The following NEFM variants were observed in gnomAD, a reference collection of about 807,000 sequenced individuals.
The protein encoded by NEFM is neurofilament medium chain.
Under a neutral mutation model 48.1 loss-of-function variants are expected in NEFM, and 16 were observed. The observed-to-expected ratio is 0.33, with a 90% CI of 0.23 to 0.51. The LOEUF (loss-of-function observed/expected upper bound fraction) is 0.51. Among genes scored for constraint, NEFM ranks in the 20% least tolerant of loss-of-function variants. NEFM has a pLI of 0.98. For synonymous variants in NEFM, 465 were observed against 456.9 expected (o/e 1.02, Z -0.23); for missense variants, 1,107 against 1,136.0 (o/e 0.97, Z 0.37).
rs1343811547 is a variant in NEFM, at chr8:24,918,149, G to C, written c.2294G>C (p.Gly765Ala). The C allele has an allele frequency of 1.9e-6, 3 of 1,551,660 alleles. No homozygotes were observed. The highest frequency in any genetic ancestry group is 2.7e-5 in the African/African-American group (2 of 73,002). ...TTGGAGAAAGAGACCAAAGAAGAGG[G>C]GAAGCCACTGCAGCAGGAGAAAGAG... ...VHLEKETKEE[G>A]KPLQQEKEKE... Residue 765 changes from glycine to alanine, a missense_variant, in exon 3 of 3, where the codon GGG becomes GCG. Gly to Ala is a moderately conservative substitution (Grantham distance 60, BLOSUM62 0). Coordinates refer to ENST00000221166, the MANE Select transcript of NEFM (RefSeq NM_005382.2).
rs944891517 is a variant in NEFM at position 24,918,521 on chromosome 8, C to A, written c.2666C>A (p.Thr889Asn). Reference protein sequence around the residue: ...VTQKVEEHEETFEEKLVSTKK... With the variant: ...VTQKVEEHEENFEEKLVSTKK... ...CAAAAGGTTGAAGAGCATGAAGAGA[C>A]CTTTGAGGAGAAACTAGTGTCTACT... The change falls in exon 3 of 3, where the codon ACC becomes AAC. Residue 889 changes from threonine to asparagine, a missense_variant. Around this residue, in one of 3 missense-constraint regions of NEFM, gnomAD observed 917 missense variants for 916.4 expected, o/e 1.00. Coordinates refer to ENST00000221166, the MANE Select transcript of NEFM (RefSeq NM_005382.2). 14 of 1,613,812 alleles carry A rather than the reference C, an allele frequency of 8.7e-6. No individual in the cohort carries two copies. The African/African-American group carries it at 1.3e-4, about 15-fold the overall frequency.
Position 24,917,366 on chromosome 8 carries a change from A to T in NEFM, c.1511A>T (p.Glu504Val). 6.3e-7 allele frequency: 1 copy of T among 1,596,326 alleles called. No homozygotes were observed. Among genetic ancestry groups the T allele is most frequent in the South Asian group, 1.1e-5 (1 of 89,128 alleles). ...GAAGAGGAACCCGAAGCTGAAGAAGAAGAAGTAGCTGCCAAAAAGTCTCCA... is the reference window on the plus strand; with the variant it reads ...GAAGAGGAACCCGAAGCTGAAGAAGTAGAAGTAGCTGCCAAAAAGTCTCCA... ...EKEEEPEAEEEEVAAKKSPVK... is the reference protein window; with the variant it reads ...EKEEEPEAEEVEVAAKKSPVK... The change falls in exon 3 of 3, where the codon GAA becomes GTA. Residue 504 changes from glutamate to valine, a missense_variant. Coordinates refer to ENST00000221166, the MANE Select transcript of NEFM (RefSeq NM_005382.2).
In NEFM at chr8:24,918,835, T is replaced by A; in HGVS notation, c.*229T>A. 3 of 495,012 alleles carry A rather than the reference T, an allele frequency of 6.1e-6. No individual in the cohort carries two copies. The highest frequency in any genetic ancestry group is 1.1e-5 in the Non-Finnish European group (3 of 272,912). 30.7% of individuals were successfully genotyped at this position (495,012 alleles called of 1,614,324 possible). A position where few individuals can be genotyped will look rare whatever the true frequency, so the allele number is the denominator to read the frequency against. On this transcript the variant is annotated 3_prime_UTR_variant, in exon 3 of 3. Coordinates refer to ENST00000221166, the MANE Select transcript of NEFM (RefSeq NM_005382.2). ...GGAAATTTGCCGATTTCCTAAGCTG[T>A]TGGAAGGGGGTCACTTAAGGGGGGA...
Position 24,914,384 on chromosome 8 carries a change from C to A in NEFM, c.591C>A (p.Asp197Glu), listed in dbSNP as rs761463013. 1 of 1,613,630 alleles carries A rather than the reference C, an allele frequency of 6.2e-7. No individual in the cohort carries two copies. Among genetic ancestry groups the A allele is most frequent in the Non-Finnish European group, 8.5e-7 (1 of 1,179,990 alleles). The change falls in exon 1 of 3, where the codon GAC becomes GAA. Residue 197 changes from aspartate (D) to glutamate (E), a missense_variant. Coordinates refer to ENST00000221166, the MANE Select transcript of NEFM (RefSeq NM_005382.2). ...TTGAGGAGGAGGCGCGGTTGCGCGA[C>A]GACACTGAGGCGGCCATCCGCGCGC... ...ERFEEEARLR[D>E]DTEAAIRALR... is the part of the protein sequence containing the mutation.
Position 24,918,409 on chromosome 8 carries a change from G to C in NEFM, c.2554G>C (p.Val852Leu). 6.2e-7 allele frequency: 1 copy of C among 1,614,150 alleles called. No individual in the cohort carries two copies. Among genetic ancestry groups the C allele is most frequent in the Non-Finnish European group, 8.5e-7 (1 of 1,180,026 alleles). The change falls in exon 3 of 3, where the codon GTG becomes CTG. Residue 852 changes from valine (V) to leucine (L), a missense_variant. By Grantham distance (32) the Val-to-Leu change is conservative (BLOSUM62 1). Transcript: ENST00000221166. ...GGGGGGTGATAAAAGTGAGGAGAAA[G>C]TGGTGGTGACCAAAACGGTAGAAAA... The part of the protein sequence containing the change: ...KKGGDKSEEK[V>L]VVTKTVEKIT...
At chr8:24,915,076 A>G (rs766546541) in intron 1 of NEFM, 121 of 1,377,792 alleles carry the variant, frequency 8.8e-5, no homozygotes, top group African/African-American at 1.1e-4. Context: ...CACCTGCCCC[A>G]GCTGCTAAGG....
chr8:24,917,288 A>G lies in NEFM; in HGVS notation c.1433A>G (p.Glu478Gly), dbSNP rs768247534. Residue 478 changes from glutamate to glycine, a missense_variant, in exon 3 of 3, where the codon GAG becomes GGG. Glu to Gly is a moderately conservative substitution (Grantham distance 98, BLOSUM62 -2). Transcript: ENST00000221166. ...GAAGAGGCCCTGACAGCCATTACAG[A>G]GGAATTGGCCGTTTCCATGAAGGAA... is the stretch of plus-strand genomic sequence containing the variant. ...EMEEALTAIT[E>G]ELAVSMKEEK... 1.2e-6 allele frequency: 2 copies of G among 1,614,174 alleles called. No individual in the cohort carries two copies. The highest frequency in any genetic ancestry group is 1.7e-6 in the Non-Finnish European group (2 of 1,180,046).
chr8:24,915,139 T>C, intron 1 of NEFM: 1 of 1,348,606 alleles, frequency 7.4e-7, no homozygotes, highest in Non-Finnish European at 9.5e-7. Context: ...TTTTGCACGC[T>C]TGCACGTTTA....
intron 1 of NEFM, 44 bp from the exon 2 acceptor site, chr8:24,915,561 G>A (rs1407294269): frequency 6.2e-7 from 1 of 1,612,284 alleles, no homozygotes; most frequent in African/African-American, 1.3e-5. Context: ...GGAAGTTGCT[G>A]TTTGCAAGGA....
chr8:24,915,772 T>C (rs747541164), intron 2 of NEFM, 43 bp downstream of exon 2: 44 of 1,613,600 alleles, frequency 2.7e-5, no homozygotes, highest in Non-Finnish European at 3.6e-5. Flanking sequence ...CTAACCGCAG[T>C]GCAGAGGCTG....
chr8:24,914,229 C>A lies in NEFM; in HGVS notation c.436C>A (p.Leu146Met). ...LRQKQASHAQ[L>M]GDAYDQEIRE... Reference sequence around the variant, plus strand: ...GCAGAAGCAGGCCTCGCACGCCCAGCTGGGCGACGCGTACGACCAGGAGAT... The same window carrying A: ...GCAGAAGCAGGCCTCGCACGCCCAGATGGGCGACGCGTACGACCAGGAGAT... The change falls in exon 1 of 3, where the codon CTG becomes ATG. Residue 146 changes from leucine to methionine, a missense_variant. This residue lies in a region of NEFM where 186 missense variants were observed against 200.6 expected (regional missense o/e 0.93). Transcript: ENST00000221166. 1 of 1,610,358 alleles carries A rather than the reference C, an allele frequency of 6.2e-7. No individual in the cohort carries two copies. Among genetic ancestry groups the A allele is most frequent in the Non-Finnish European group, 8.5e-7 (1 of 1,178,598 alleles).
intron 1 of NEFM, 78 bp downstream of exon 1, chr8:24,914,951 C>T: frequency 2.7e-6 from 4 of 1,455,916 alleles, no homozygotes; most frequent in East Asian, 2.6e-5. Flanking sequence ...CGTGCCCAGG[C>T]GCCCTCTCCG....
rs190407133 is a variant in NEFM, at chr8:24,918,667, A to G, written c.*61A>G. 53 of 1,247,688 alleles carry G rather than the reference A, an allele frequency of 4.2e-5. No individual in the cohort carries two copies. The Admixed American group carries it at 7.2e-4, about 17-fold the overall frequency. The allele number at this position is 1,247,688 out of a possible 1,614,324, so 77.3% of individuals were successfully genotyped here. ...CAATTTCAAAATGCATGTGATTGGC[A>G]GCTTCAAAACAGAACGGGTTCTCCC... On this transcript the variant is annotated 3_prime_UTR_variant, in exon 3 of 3. Transcript: ENST00000221166.
At position 24,915,594 on chromosome 8, in the gene NEFM, G is replaced by C; in HGVS notation, c.1081-11G>C. 1.2e-6 allele frequency: 2 copies of C among 1,614,046 alleles called. No individual in the cohort carries two copies. The highest frequency in any genetic ancestry group is 2.2e-5 in the East Asian group (1 of 44,870). On this transcript the variant is annotated splice_polypyrimidine_tract_variant and intron_variant, in intron 1 of 2. Coordinates refer to ENST00000221166, the MANE Select transcript of NEFM (RefSeq NM_005382.2). ...GGATGAGTCTGGGGAGATTCTCTGT[G>C]TCTGTTTCAGGACACCATCCAGCAG... is the stretch of plus-strand genomic sequence containing the variant.
chr8:24,916,821 G>A (rs1802580846), intron 2 of NEFM, among the ~76,000 whole-genome samples: 1 of 152,162 alleles, frequency 6.6e-6, no homozygotes, highest in Non-Finnish European at 1.5e-5. Flanking sequence ...TGGACTATTG[G>A]GCAAGGTTAG....
At position 24,917,513 on chromosome 8, in the gene NEFM, C is replaced by A. The variant is rs746173768; in HGVS notation, c.1658C>A (p.Ser553Tyr). The change falls in exon 3 of 3, where the codon TCC becomes TAC. Residue 553 changes from serine to tyrosine, a missense_variant. By Grantham distance (144) the Ser-to-Tyr change is moderately radical. Coordinates refer to ENST00000221166, the MANE Select transcript of NEFM (RefSeq NM_005382.2). ...TCAGACCAAGCCGAAGAGGGAGGAT[C>A]CGAGAAGGAAGGCTCTAGTGAAAAA... ...AKSDQAEEGGSEKEGSSEKEE... is the reference protein window; with the variant it reads ...AKSDQAEEGGYEKEGSSEKEE... 104 of 1,554,950 alleles carry A rather than the reference C, an allele frequency of 6.7e-5. No homozygotes were observed. The highest frequency in any genetic ancestry group is 8.8e-5 in the Non-Finnish European group (101 of 1,148,986).
intron 2 of NEFM, 30 bp from the exon 3 acceptor site, chr8:24,917,029 CTA>C: frequency 1.3e-6 from 2 of 1,598,338 alleles, no homozygotes; most frequent in Non-Finnish European, 1.7e-6. Flanking sequence ...GAAATTTTTA[CTA>C]TGTCTTATGT....
chr8:24,915,413 T>G lies in NEFM; in HGVS notation c.1081-192T>G, dbSNP rs73671804. ...GTCCTATTGTCTTACTGATCTTGTATGTTCATTTGAGAATCGCTTAGATTT... is the reference window on the plus strand; with the variant it reads ...GTCCTATTGTCTTACTGATCTTGTAGGTTCATTTGAGAATCGCTTAGATTT... On this transcript the variant is annotated intron_variant, in intron 1 of 2. Coordinates refer to ENST00000221166, the MANE Select transcript of NEFM (RefSeq NM_005382.2). 2.8e-3 allele frequency: 3,002 copies of G among 1,071,304 alleles called. 61 individuals carry two copies. The African/African-American group carries it at 0.043, about 15-fold the overall frequency. The allele number at this position is 1,071,304 out of a possible 1,614,324, so 66.4% of individuals were successfully genotyped here.
rs1802611153 is a variant in NEFM, at chr8:24,918,218, G to A, written c.2363G>A (p.Ser788Asn). ...GGEGGSEEEG[S>N]DKGAKGSRKE... ...GAGGGAGGAAGTGAGGAGGAAGGGAGTGATAAAGGTGCCAAGGGATCCAGG... is the reference window on the plus strand; with the variant it reads ...GAGGGAGGAAGTGAGGAGGAAGGGAATGATAAAGGTGCCAAGGGATCCAGG... Residue 788 changes from serine (S) to asparagine (N), a missense_variant, in exon 3 of 3, where the codon AGT becomes AAT. Coordinates refer to ENST00000221166, the MANE Select transcript of NEFM (RefSeq NM_005382.2). 1 of 1,555,420 alleles carries A rather than the reference G, an allele frequency of 6.4e-7. No homozygotes were observed. Among genetic ancestry groups the A allele is most frequent in the African/African-American group, 1.4e-5 (1 of 73,148 alleles).
Sources: gnomAD v4.1 joint callset for allele counts (sites outside exome capture counted in the v4.1 genomes callset) on GRCh38, gnomAD v4.1.1 for gene constraint, gnomAD v4.1.1 regional missense constraint, MANE v1.5 for transcripts, NCBI Gene and HGNC (gene_info 2026-07-23, HGNC 2026-07-21) for gene names.